The following PALLD variants were observed in gnomAD, a reference collection of about 807,000 sequenced individuals.
The protein encoded by PALLD is palladin, cytoskeletal associated protein, also known as palladin.
PALLD carries 61 observed loss-of-function variants against 123.5 expected under a neutral mutation model. The observed-to-expected ratio is 0.49, with a 90% confidence interval of 0.40 to 0.61. PALLD has a LOEUF of 0.61. Ranked by LOEUF, PALLD falls within the 20% of genes least tolerant of loss-of-function variation. The pLI is 0.00. For synonymous variants in PALLD, 465 were observed against 496.4 expected (o/e 0.94, Z 0.84); for missense variants, 1,273 against 1,377.0 (o/e 0.92, Z 1.20).
intron 10 of PALLD, among the ~76,000 whole-genome samples, chr4:168,871,186 C>A (rs1751022947): frequency 6.6e-6 from 1 of 152,106 alleles, no homozygotes; most frequent in Non-Finnish European, 1.5e-5. Flanking sequence ...ACCCAGCAAG[C>A]ATAAGCTATG....
chr4:168,576,591 T>C (rs903498067), intron 2 of PALLD, among the ~76,000 whole-genome samples: 3 of 152,184 alleles, frequency 2.0e-5, no homozygotes, highest in Non-Finnish European at 1.5e-5. Flanking sequence ...CTGCATAGTA[T>C]TCCATGGTGT....
chr4:168,558,718 A>G (rs547517298), intron 2 of PALLD, among the ~76,000 whole-genome samples: 1 of 152,368 alleles, frequency 6.6e-6, no homozygotes, highest in African/African-American at 2.4e-5. Flanking sequence ...CCATTGAAGC[A>G]GAGACCAGAG....
chr4:168,841,617 C>T (rs883986), intron 10 of PALLD, among the ~76,000 whole-genome samples: 88,156 of 152,000 alleles, frequency 0.58, 26,075 homozygotes, highest in Middle Eastern at 0.67. Flanking sequence ...CTAGGTACCA[C>T]CTGACCGCTC....
intron 17 of PALLD, among the ~76,000 whole-genome samples, chr4:168,921,181 G>A (rs577712000): frequency 1.2e-4 from 18 of 152,048 alleles, no homozygotes; most frequent in African/African-American, 3.6e-4. Context: ...TGAGGCAGGC[G>A]GATCACCTGA....
chr4:168,541,823 T>A (rs1237406620), intron 2 of PALLD, among the ~76,000 whole-genome samples: 1 of 152,106 alleles, frequency 6.6e-6, no homozygotes, highest in African/African-American at 2.4e-5. Flanking sequence ...AATTATATGT[T>A]GCAAAAAAAT....
At chr4:168,797,320 A>G (rs554658262) in intron 10 of PALLD, among the ~76,000 whole-genome samples, 1 of 152,086 alleles carries the variant, frequency 6.6e-6, no homozygotes, top group South Asian at 2.1e-4. Flanking sequence ...ACCAAATACT[A>G]TGTAGCAATA....
chr4:168,822,607 A>T (rs1428650680), intron 10 of PALLD, among the ~76,000 whole-genome samples: 3 of 152,216 alleles, frequency 2.0e-5, no homozygotes, highest in African/African-American at 7.2e-5. Flanking sequence ...TTTTAAGGGT[A>T]TCCAAATGAA....
At chr4:168,497,503 C>A (rs1441224238) in intron 1 of PALLD, among the ~76,000 whole-genome samples, 1 of 152,036 alleles carries the variant, frequency 6.6e-6, no homozygotes, top group Non-Finnish European at 1.5e-5. Context: ...ATTTATGGAG[C>A]CAGCTTTTGT....
At chr4:168,671,452 T>C (rs1443498597) in intron 3 of PALLD, among the ~76,000 whole-genome samples, 1 of 152,184 alleles carries the variant, frequency 6.6e-6, no homozygotes, top group Non-Finnish European at 1.5e-5. Context: ...TACTGAGACA[T>C]CCGACACCTT....
chr4:168,699,074 C>A (rs943447336), intron 8 of PALLD, among the ~76,000 whole-genome samples: 1 of 151,962 alleles, frequency 6.6e-6, no homozygotes, highest in African/African-American at 2.4e-5. Context: ...TTAAAAAAAT[C>A]CTTTGCAATT....
At chr4:168,654,473 T>C (rs1778361733) in intron 2 of PALLD, among the ~76,000 whole-genome samples, 1 of 152,172 alleles carries the variant, frequency 6.6e-6, no homozygotes, top group Non-Finnish European at 1.5e-5. Context: ...CATCATGACA[T>C]AACGAAAACT....
chr4:168,856,489 C>A (rs1273648449), intron 10 of PALLD, among the ~76,000 whole-genome samples: 1 of 152,210 alleles, frequency 6.6e-6, no homozygotes, highest in Admixed American at 6.5e-5. Flanking sequence ...TCCCTTTTCT[C>A]CACATCCTGG....
rs565886376 is a variant in PALLD at position 168,639,764 on chromosome 4, T to C, written c.909-28426T>C. On this transcript the variant is annotated intron_variant, in intron 2 of 21. Coordinates refer to ENST00000505667, the MANE Select transcript of PALLD (RefSeq NM_001166108.2). ...TTTCACCGTGTTAGCCAGGATGGTC[T>C]CGATCTTCTGACCTCGTGATCCGCC... 4.6e-5 allele frequency among the ~76,000 whole-genome samples: 7 copies of C among 152,244 alleles called. No homozygotes were observed. In the East Asian group the frequency reaches 1.4e-3, roughly 29 times the overall value.
chr4:168,678,657 CCCCGGGAAGT>C (rs1294779818), intron 3 of PALLD, among the ~76,000 whole-genome samples: 1 of 152,036 alleles, frequency 6.6e-6, no homozygotes, highest in Admixed American at 6.5e-5. Context: ...AATTGCAGCC[CCCCGGGAAGT>C]CCCATCACAG....
intron 10 of PALLD, among the ~76,000 whole-genome samples, chr4:168,788,286 GTTA>G (rs147833965): frequency 0.14 from 21,972 of 152,054 alleles, 1,742 homozygotes; most frequent in Non-Finnish European, 0.19. Flanking sequence ...ATAATGACTG[GTTA>G]TTATTCTACT....
intron 2 of PALLD, among the ~76,000 whole-genome samples, chr4:168,617,579 G>T (rs1455219572): frequency 6.6e-6 from 1 of 152,100 alleles, no homozygotes; most frequent in East Asian, 1.9e-4. Flanking sequence ...TATAATGAGG[G>T]GATGAAGAGC....
At chr4:168,849,978 G>T (rs536925737) in intron 10 of PALLD, among the ~76,000 whole-genome samples, 43 of 152,196 alleles carry the variant, frequency 2.8e-4, no homozygotes, top group Admixed American at 5.9e-4. Flanking sequence ...CATCTTTGGT[G>T]TCATAAAATA....
At chr4:168,543,018 C>T (rs1765791643) in intron 2 of PALLD, among the ~76,000 whole-genome samples, 1 of 151,824 alleles carries the variant, frequency 6.6e-6, no homozygotes, top group Admixed American at 6.6e-5. Flanking sequence ...GATTTTGTGC[C>T]ACTCTCCTAC....
intron 2 of PALLD, among the ~76,000 whole-genome samples, chr4:168,564,389 A>G (rs970186541): frequency 3.8e-4 from 58 of 152,326 alleles, no homozygotes; most frequent in African/African-American, 1.3e-3. Flanking sequence ...ATATAACTGC[A>G]TATTACATTT....
Sources: allele counts gnomAD v4.1 joint callset (sites outside exome capture counted in the v4.1 genomes callset), GRCh38; gene constraint gnomAD v4.1.1; transcripts MANE v1.5; gene names NCBI Gene and HGNC (gene_info 2026-07-23, HGNC 2026-07-21).